MILR1: variants seen among roughly 807,000 people sequenced by gnomAD.
MILR1 encodes mast cell immunoglobulin like receptor 1, also known as allergin-1.
Under a neutral mutation model 18.5 loss-of-function variants are expected in MILR1, and 31 were observed. That is an observed-to-expected ratio of 1.68 (90% CI 1.26 to 2.26). The LOEUF (loss-of-function observed/expected upper bound fraction) is 2.26. Ranked by LOEUF, MILR1 falls within the 30% of genes most tolerant of loss-of-function variation. The probability of loss-of-function intolerance (pLI) is 0.00; values close to 1 mark genes in which losing one functional copy is unlikely to be tolerated. For missense variants in MILR1, 257 were observed against 157.4 expected, an observed-to-expected ratio of 1.63 and a Z score of -3.38; for synonymous variants, 85 against 56.2, an observed-to-expected ratio of 1.51 and a Z score of -2.30.
At chr17:64,465,926 C>T (rs1241842349) in intron 6 of MILR1, among the ~76,000 whole-genome samples, 1 of 152,144 alleles carries the variant, frequency 6.6e-6, no homozygotes, top group Non-Finnish European at 1.5e-5. Context: ...AAACAAGACC[C>T]AGCGCCTCGG....
intron 3 of MILR1, among the ~76,000 whole-genome samples, chr17:64,454,427 T>G (rs1225945881): frequency 1.3e-5 from 2 of 152,202 alleles, no homozygotes; most frequent in African/African-American, 2.4e-5. Flanking sequence ...AAAATTTCCC[T>G]CCACAGTCTC....
At chr17:64,475,328 C>T in the MILR1 span, among the ~76,000 whole-genome samples, 19 of 152,064 alleles carry the variant, frequency 1.2e-4, no homozygotes, top group Non-Finnish European at 2.4e-4. Context: ...AGCAAATACT[C>T]GGTGAGAAGC....
chr17:64,476,095 C>T, the MILR1 span, among the ~76,000 whole-genome samples: 9 of 152,288 alleles, frequency 5.9e-5, no homozygotes, highest in Admixed American at 4.6e-4. Flanking sequence ...GCGTCAGCCA[C>T]TGGCCAACTC....
At chr17:64,450,496 T>C (rs2037145691) in intron 2 of MILR1, among the ~76,000 whole-genome samples, 1 of 152,164 alleles carries the variant, frequency 6.6e-6, no homozygotes, top group African/African-American at 2.4e-5. Context: ...TGTTTGTTTT[T>C]GAGACAGAGT....
the MILR1 span, among the ~76,000 whole-genome samples, chr17:64,496,023 GAT>G: frequency 6.6e-6 from 1 of 152,114 alleles, no homozygotes; most frequent in Admixed American, 6.6e-5. Flanking sequence ...TTTATCCTAT[GAT>G]ATACATGAAA....
the MILR1 span, among the ~76,000 whole-genome samples, chr17:64,489,083 C>A: frequency 6.9e-6 from 1 of 144,988 alleles, no homozygotes; most frequent in Admixed American, 7.0e-5. Flanking sequence ...TGGAGTGCAG[C>A]AGCACAGTCT....
Position 64,460,888 on chromosome 17 carries a change from T to A in MILR1, c.719T>A (p.Ile240Lys). 4 of 475,274 alleles carry A rather than the reference T, an allele frequency of 8.4e-6. No individual in the cohort carries two copies. The highest frequency in any genetic ancestry group is 1.5e-5 in the Non-Finnish European group (4 of 258,916). 29.4% of individuals were successfully genotyped at this position (475,274 alleles called of 1,614,324 possible). Reference protein sequence around the residue: ...LPGLLLLLVVIILILAFWVLP... With the variant: ...LPGLLLLLVVKILILAFWVLP... The stretch of plus-strand genomic sequence containing the variant: ...GGGTTATTACTGTTGCTGGTGGTGA[T>A]AATCCTAATTCTGGCTTTTTGGGTA... The change falls in exon 5 of 10, where the codon ATA becomes AAA. Residue 240 changes from isoleucine (I) to lysine (K), a missense_variant. Coordinates refer to ENST00000619286, the MANE Select transcript of MILR1 (RefSeq NM_001085423.2).
chr17:64,464,839 G>A (rs1269409335), intron 5 of MILR1, among the ~76,000 whole-genome samples: 2 of 152,194 alleles, frequency 1.3e-5, no homozygotes, highest in Non-Finnish European at 2.9e-5. Context: ...CAGGAGAATC[G>A]CTTGAAACCA....
downstream of MILR1, among the ~76,000 whole-genome samples, chr17:64,469,001 C>T (rs1555664071): frequency 1.3e-5 from 2 of 151,814 alleles, no homozygotes; most frequent in African/African-American, 2.4e-5. Context: ...GCATGAGAAT[C>T]GCTTAAATCT....
chr17:64,461,014 G>A (rs2037419146), intron 5 of MILR1, 82 bp downstream of exon 5: 1 of 457,120 alleles, frequency 2.2e-6, no homozygotes, highest in East Asian at 3.2e-5. Flanking sequence ...AGGAGAAAGA[G>A]AAAAGGGGAT....
chr17:64,490,780 T>C, the MILR1 span: 2 of 1,598,742 alleles, frequency 1.3e-6, no homozygotes, highest in Non-Finnish European at 1.7e-6. Flanking sequence ...ACATAGGAGC[T>C]CCAGGTAAAA....
At chr17:64,464,654 A>G (rs551288969) in intron 5 of MILR1, among the ~76,000 whole-genome samples, 11 of 152,304 alleles carry the variant, frequency 7.2e-5, no homozygotes, top group African/African-American at 2.6e-4. Context: ...GAATTCAGTG[A>G]GGCTGGCCGG....
At chr17:64,480,377 GC>G in the MILR1 span, 1 of 1,557,156 alleles carries the variant, frequency 6.4e-7, no homozygotes, top group South Asian at 1.1e-5. Flanking sequence ...TCATTAAATA[GC>G]CCTTGACAAA....
chr17:64,458,710 C>T (rs1423644084), intron 4 of MILR1, among the ~76,000 whole-genome samples: 6 of 152,008 alleles, frequency 3.9e-5, no homozygotes, highest in African/African-American at 1.2e-4. Context: ...TTCAGGGAGC[C>T]GTGGGGATGC....
In MILR1 at chr17:64,466,985, C is replaced by T. The variant is rs374801552; in HGVS notation, c.979+323C>T. ...CCTCCCTCTCTCTCTTTCTTTCTTT[C>T]TCTTTCTGTCTCTCTTTATTTTTTC... On this transcript the variant is annotated intron_variant, in intron 8 of 9. Transcript: ENST00000619286. Among the ~76,000 whole-genome samples the T allele has an allele frequency of 3.4e-3, 514 of 151,786 alleles. 4 individuals are homozygous for T. Among genetic ancestry groups the T allele is most frequent in the Middle Eastern group, 0.01 (3 of 294 alleles).
chr17:64,465,392 G>A, intron 5 of MILR1, 60 bp from the exon 6 acceptor site: 2 of 1,208,666 alleles, frequency 1.7e-6, no homozygotes, highest in Non-Finnish European at 2.4e-6. Context: ...CCTTGGCCGA[G>A]GAGATGAGAA....
chr17:64,494,084 G>A, the MILR1 span, among the ~76,000 whole-genome samples: 1 of 152,162 alleles, frequency 6.6e-6, no homozygotes, highest in African/African-American at 2.4e-5. Context: ...TAAGATTCAT[G>A]TACTGCATTC....
At chr17:64,495,849 C>T in the MILR1 span, among the ~76,000 whole-genome samples, 1 of 151,976 alleles carries the variant, frequency 6.6e-6, no homozygotes, top group African/African-American at 2.4e-5. Context: ...GCTGGGATTA[C>T]AGGCGCTCGC....
the MILR1 span, among the ~76,000 whole-genome samples, chr17:64,480,045 G>A: frequency 1.3e-5 from 2 of 152,302 alleles, no homozygotes; most frequent in African/African-American, 4.8e-5. Context: ...ATAAGCTGAG[G>A]TATACATACT....
Sources: gnomAD v4.1 joint callset for allele counts (sites outside exome capture counted in the v4.1 genomes callset) on GRCh38, gnomAD v4.1.1 for gene constraint, MANE v1.5 for transcripts, NCBI Gene and HGNC (gene_info 2026-07-23, HGNC 2026-07-21) for gene names.